Variants in ADGRL2 observed in about 807,000 individuals in gnomAD.
ADGRL2 encodes the protein adhesion G protein-coupled receptor L2, also known as calcium-independent alpha-latrotoxin receptor 2.
Under a neutral mutation model 157.4 loss-of-function variants are expected in ADGRL2, and 44 were observed. The observed-to-expected ratio is 0.28, with a 90% CI of 0.22 to 0.36. The LOEUF (loss-of-function observed/expected upper bound fraction) is 0.36, where lower values mean the gene tolerates loss of function less well. ADGRL2 is among the 10% of genes least tolerant of loss of function. ADGRL2 has a pLI of 1.00. For missense variants in ADGRL2, 1,510 were observed against 1,768.9 expected (o/e 0.85, Z 2.63); for synonymous variants, 585 against 624.7 (o/e 0.94, Z 0.95).
intron 1 of ADGRL2, among the ~76,000 whole-genome samples, chr1:81,717,140 A>G (rs2084144744): frequency 6.6e-6 from 1 of 152,278 alleles, no homozygotes; most frequent in African/African-American, 2.4e-5. Flanking sequence ...TCTCTAAATT[A>G]TCAGGACTTC....
At chr1:81,621,211 CT>C (rs1444501524) in intron 3 of ADGRL2, among the ~76,000 whole-genome samples, 1 of 152,092 alleles carries the variant, frequency 6.6e-6, no homozygotes, top group Non-Finnish European at 1.5e-5. Context: ...TAAAGTCTGT[CT>C]TCCTTGCTTT....
intron 3 of ADGRL2, among the ~76,000 whole-genome samples, chr1:81,600,132 C>T (rs2148628325): frequency 6.6e-6 from 1 of 152,290 alleles, no homozygotes; most frequent in African/African-American, 2.4e-5. Flanking sequence ...ATCAGACATG[C>T]TGGTGACTCT....
Position 81,358,691 on chromosome 1 carries a change from T to A in ADGRL2, c.-302+52182T>A, listed in dbSNP as rs2075914853. Among the ~76,000 whole-genome samples, 3 of 152,152 alleles carry A rather than the reference T, an allele frequency of 2.0e-5. No homozygotes were observed. The South Asian group carries it at 6.2e-4, about 31-fold the overall frequency. On this transcript the variant is annotated intron_variant, in intron 1 of 24. Transcript: ENST00000370721. Reference sequence around the variant, plus strand: ...CACTGTAGAGATTCCAAAATTCTTGTCACTTTGGAAATCATGAAAATATGT... The same window carrying A: ...CACTGTAGAGATTCCAAAATTCTTGACACTTTGGAAATCATGAAAATATGT...
chr1:81,797,724 C>T (rs190964180), upstream of ADGRL2, among the ~76,000 whole-genome samples: 13 of 152,188 alleles, frequency 8.5e-5, no homozygotes, highest in East Asian at 3.9e-4. Flanking sequence ...ATTAGCATAA[C>T]GTCTGTACCA....
rs5775639 is a variant in ADGRL2, at chr1:81,743,393, G to GTTT, written c.-142-18404_-142-18402dup. On this transcript the variant is annotated intron_variant, in intron 1 of 20. Coordinates refer to the ADGRL2 transcript ENST00000359929. Reference sequence around the variant, plus strand: ...GAAAGCAGAGTGCTAATAACAGAAGGTTTTTTTTTTTTTTTTGCACTTGTA... The same window carrying GTTT: ...GAAAGCAGAGTGCTAATAACAGAAGGTTTTTTTTTTTTTTTTTTTGCACTTGTA... 8.4e-3 allele frequency among the ~76,000 whole-genome samples: 1,152 copies of GTTT among 136,814 alleles called. 7 individuals are homozygous for GTTT. Among genetic ancestry groups the GTTT allele is most frequent in the Non-Finnish European group, 0.012 (770 of 63,478 alleles). The allele number at this position is 136,814 out of a possible 152,430, so 89.8% of individuals were successfully genotyped here. A position where few individuals can be genotyped will look rare whatever the true frequency, so the allele number is the denominator to read the frequency against.
intron 2 of ADGRL2, among the ~76,000 whole-genome samples, chr1:81,477,555 T>C (rs1021038995): frequency 6.6e-6 from 1 of 152,134 alleles, no homozygotes; most frequent in South Asian, 2.1e-4. Context: ...TTTTGGATAA[T>C]GAGAAAATGT....
chr1:81,911,944 A>G (rs1014903285), intron 3 of ADGRL2, among the ~76,000 whole-genome samples: 2 of 148,912 alleles, frequency 1.3e-5, no homozygotes, highest in African/African-American at 5.0e-5. Flanking sequence ...TATGGCCTAG[A>G]TTTATGGAAC....
intron 2 of ADGRL2, among the ~76,000 whole-genome samples, chr1:81,556,295 A>T (rs1351559842): frequency 6.9e-6 from 1 of 144,986 alleles, no homozygotes; most frequent in Admixed American, 6.9e-5. Context: ...TCATCCCCCG[A>T]TTCTCAGGCT....
intron 4 of ADGRL2, among the ~76,000 whole-genome samples, chr1:81,941,043 A>G (rs1647759900): frequency 6.6e-6 from 1 of 150,762 alleles, no homozygotes; most frequent in Non-Finnish European, 1.5e-5. Flanking sequence ...AATGCTCGGT[A>G]TGATTGTTGT....
chr1:81,948,012 A>G (rs1650444525), intron 6 of ADGRL2, among the ~76,000 whole-genome samples: 4 of 151,960 alleles, frequency 2.6e-5, no homozygotes, highest in Admixed American at 2.6e-4. Flanking sequence ...AGGTCAGGAG[A>G]TCGAGACCAT....
At chr1:81,550,826 GAA>G (rs75371906) in intron 2 of ADGRL2, among the ~76,000 whole-genome samples, 2 of 136,900 alleles carry the variant, frequency 1.5e-5, no homozygotes, top group African/African-American at 5.4e-5. Context: ...CCTCTTTACA[GAA>G]AAAAAAAAAA....
At chr1:81,675,166 A>G (rs1557556375) in intron 3 of ADGRL2, among the ~76,000 whole-genome samples, 1 of 152,160 alleles carries the variant, frequency 6.6e-6, no homozygotes, top group African/African-American at 2.4e-5. Context: ...TCTCAACACA[A>G]AAGAGCATAA....
rs921783979 is a variant in ADGRL2 at position 81,897,956 on chromosome 1, G to T, written c.74-9061G>T. ...AAATAATCAACAGCTTATTTAGCTG[G>T]GCATGGTGGCATGAGCCTGCAGTCC... On this transcript the variant is annotated intron_variant, in intron 2 of 23. Transcript: ENST00000686636. 3.3e-5 allele frequency among the ~76,000 whole-genome samples: 5 copies of T among 151,828 alleles called. No homozygotes were observed. The South Asian group carries it at 1.0e-3, about 32-fold the overall frequency.
chr1:81,474,065 C>T (rs936274172), intron 2 of ADGRL2, among the ~76,000 whole-genome samples: 8 of 152,204 alleles, frequency 5.3e-5, no homozygotes, highest in African/African-American at 1.9e-4. Context: ...CTCTTTCCCT[C>T]TCCCTATCAC....
At chr1:81,564,842 T>C (rs1246547886) in intron 2 of ADGRL2, among the ~76,000 whole-genome samples, 1 of 152,168 alleles carries the variant, frequency 6.6e-6, no homozygotes. Flanking sequence ...CTAGTCTATA[T>C]GTCTGGCTGC....
chr1:81,937,515 G>A (rs1203629723), intron 4 of ADGRL2, among the ~76,000 whole-genome samples: 1 of 151,792 alleles, frequency 6.6e-6, no homozygotes, highest in Non-Finnish European at 1.5e-5. Flanking sequence ...TCTAATCTCA[G>A]AATTCGTACT....
At chr1:81,969,859 T>A (rs972085188) in intron 15 of ADGRL2, among the ~76,000 whole-genome samples, 1 of 152,090 alleles carries the variant, frequency 6.6e-6, no homozygotes. Flanking sequence ...AGGAACTGGG[T>A]AATTAGAGCT....
At chr1:81,629,981 TGC>T (rs993192714) in intron 3 of ADGRL2, among the ~76,000 whole-genome samples, 36 of 152,006 alleles carry the variant, frequency 2.4e-4, no homozygotes, top group African/African-American at 8.5e-4. Flanking sequence ...ACTGTGTGTG[TGC>T]GTACATATCC....
At chr1:81,608,348 C>A (rs533562747) in intron 3 of ADGRL2, among the ~76,000 whole-genome samples, 2 of 152,250 alleles carry the variant, frequency 1.3e-5, no homozygotes, top group African/African-American at 4.8e-5. Flanking sequence ...GTGAGACTCT[C>A]GCTCCAGAAC....
Sources: gnomAD v4.1 joint callset for allele counts (sites outside exome capture counted in the v4.1 genomes callset) on GRCh38, gnomAD v4.1.1 for gene constraint, MANE v1.5 for transcripts, NCBI Gene and HGNC (gene_info 2026-07-23, HGNC 2026-07-21) for gene names.